Variants in PKIB observed in about 807,000 individuals in gnomAD.
PKIB encodes the protein cAMP-dependent protein kinase inhibitor beta.
Under a neutral mutation model 4.5 loss-of-function variants are expected in PKIB, and 2 were observed. The observed-to-expected ratio is 0.44, with a 90% CI of 0.18 to 1.39. PKIB has a LOEUF of 1.39. Ranked by LOEUF, PKIB falls within the 40% of genes most tolerant of loss-of-function variation. The pLI, the probability that PKIB is intolerant of heterozygous loss-of-function variation, is 0.27. For synonymous variants in PKIB, 38 were observed against 36.0 expected (o/e 1.06, Z -0.20); for missense variants, 94 against 92.6 (o/e 1.02, Z -0.06).
At chr6:122,709,639 G>A (rs1779195746) in intron 3 of PKIB, among the ~76,000 whole-genome samples, 1 of 152,082 alleles carries the variant, frequency 6.6e-6, no homozygotes, top group African/African-American at 2.4e-5. Flanking sequence ...GCTACTTAAA[G>A]TAATTGCTTT....
intron 4 of PKIB, among the ~76,000 whole-genome samples, 198 bp from the exon 5 acceptor site, chr6:122,724,930 C>G (rs1051565044): frequency 2.6e-5 from 4 of 152,068 alleles, no homozygotes; most frequent in African/African-American, 9.7e-5. Context: ...CTTCATAACT[C>G]TGTAGAATAG....
chr6:122,551,848 C>T (rs197682), intron 2 of PKIB, among the ~76,000 whole-genome samples: 121,347 of 148,030 alleles, frequency 0.82, 49,859 homozygotes, highest in South Asian at 0.92. Flanking sequence ...TAGAAAGTGA[C>T]GGAAGGAATC....
chr6:122,702,618 C>A (rs1210621561), intron 3 of PKIB, among the ~76,000 whole-genome samples: 1 of 151,922 alleles, frequency 6.6e-6, no homozygotes, highest in East Asian at 1.9e-4. Flanking sequence ...CTGCACCCAG[C>A]CTTAAGGGAA....
At chr6:122,563,068 C>G (rs1773079739) in intron 2 of PKIB, among the ~76,000 whole-genome samples, 1 of 152,014 alleles carries the variant, frequency 6.6e-6, no homozygotes, top group South Asian at 2.1e-4. Flanking sequence ...GGTTGGTTTT[C>G]TGGTTCCTTC....
chr6:122,680,697 G>A (rs1392881751), intron 3 of PKIB, among the ~76,000 whole-genome samples: 1 of 152,114 alleles, frequency 6.6e-6, no homozygotes, highest in Non-Finnish European at 1.5e-5. Flanking sequence ...TCACTTTGAG[G>A]TATTGCTTAC....
intron 2 of PKIB, among the ~76,000 whole-genome samples, chr6:122,558,667 T>C (rs1184761102): frequency 6.6e-6 from 1 of 152,214 alleles, no homozygotes; most frequent in Non-Finnish European, 1.5e-5. Context: ...TTCTATGTAA[T>C]ATAATAAAAC....
chr6:122,552,154 T>G (rs1459877434), intron 2 of PKIB, among the ~76,000 whole-genome samples: 5 of 152,144 alleles, frequency 3.3e-5, no homozygotes, highest in South Asian at 2.1e-4. Context: ...CTAGGTGGTG[T>G]TGGAGATACA....
intron 2 of PKIB, chr6:122,477,963 A>G (rs1775494788): frequency 6.6e-6 from 1 of 152,176 alleles, no homozygotes; most frequent in Non-Finnish European, 1.5e-5. Context: ...TTCTCCATAA[A>G]GCTTCCTAAT....
At chr6:122,498,533 A>T (rs1181332505) in intron 2 of PKIB, among the ~76,000 whole-genome samples, 1 of 152,228 alleles carries the variant, frequency 6.6e-6, no homozygotes, top group African/African-American at 2.4e-5. Context: ...AATAAAACAG[A>T]CACAACATAC....
rs138766155 is a variant in PKIB at position 122,524,456 on chromosome 6, T to C, written c.-248+46517T>C. Among the ~76,000 whole-genome samples, 401 of 152,210 alleles carry C rather than the reference T, an allele frequency of 2.6e-3. 3 individuals carry two copies. The highest frequency in any genetic ancestry group is 9.4e-3 in the African/African-American group (389 of 41,516). On this transcript the variant is annotated intron_variant, in intron 2 of 6. Coordinates refer to the PKIB transcript ENST00000392491. ...TTGTCATCGTCATCGTAGTTGTCTGTAGTGCCTTTGTCTGGCTTTGGTATC... is the reference window on the plus strand; with the variant it reads ...TTGTCATCGTCATCGTAGTTGTCTGCAGTGCCTTTGTCTGGCTTTGGTATC...
rs78911276 is a variant in PKIB, at chr6:122,591,141, C to A, written c.-161+5134C>A. ...GAAATTCCACAGGCTCCAGCTTCTC[C>A]TTAAAAATTGTATAGCAAGGAAGGT... On this transcript the variant is annotated intron_variant, in intron 3 of 6. Coordinates refer to the PKIB transcript ENST00000392491. 2.0e-3 allele frequency among the ~76,000 whole-genome samples: 309 copies of A among 151,116 alleles called. 7 individuals carry two copies. In the East Asian group the frequency reaches 0.042, roughly 21 times the overall value.
intron 3 of PKIB, among the ~76,000 whole-genome samples, chr6:122,602,233 C>G (rs756011162): frequency 3.9e-5 from 6 of 152,092 alleles, no homozygotes; most frequent in Non-Finnish European, 7.3e-5. Context: ...TGGCTGAACC[C>G]AAATAGTGTT....
chr6:122,709,023 T>C (rs985760317), intron 3 of PKIB, among the ~76,000 whole-genome samples: 2 of 152,214 alleles, frequency 1.3e-5, no homozygotes, highest in Non-Finnish European at 2.9e-5. Flanking sequence ...TTGATATTCA[T>C]AATGATACTC....
intron 3 of PKIB, 182 bp from the exon 4 acceptor site, chr6:122,717,605 T>C (rs1779550406): frequency 1.6e-6 from 1 of 608,486 alleles, no homozygotes; most frequent in Non-Finnish European, 2.8e-6. Context: ...CTTCCTGCTC[T>C]ATTCAGCAAA....
In PKIB at chr6:122,677,842, TCTTCCTTCCTTCCTTCCTTCCTTC is replaced by T. The variant is rs66707245; in HGVS notation, c.-9+2726_-9+2749del. Among the ~76,000 whole-genome samples, 521 of 141,222 alleles carry T rather than the reference TCTTCCTTCCTTCCTTCCTTCCTTC, an allele frequency of 3.7e-3. 4 individuals are homozygous for T. The highest frequency in any genetic ancestry group is 0.022 in the Middle Eastern group (6 of 270). The allele number at this position is 141,222 out of a possible 152,430, so 92.6% of individuals were successfully genotyped here. A position where few individuals can be genotyped will look rare whatever the true frequency, so the allele number is the denominator to read the frequency against. On this transcript the variant is annotated intron_variant, in intron 3 of 4. Transcript: ENST00000368452. Reference sequence around the variant, plus strand: ...GCAACTTGTGAAACCAGCTTTCTTTTCTTCCTTCCTTCCTTCCTTCCTTCCTTCCTTCCTTCCTTCCTTCCTTCC... The same window carrying T: ...GCAACTTGTGAAACCAGCTTTCTTTTCTTCCTTCCTTCCTTCCTTCCTTCC...
intron 2 of PKIB, among the ~76,000 whole-genome samples, chr6:122,504,242 A>G (rs1352515533): frequency 1.3e-5 from 2 of 152,222 alleles, no homozygotes; most frequent in African/African-American, 4.8e-5. Flanking sequence ...TTCCTTAAAT[A>G]AAGTTTTTGC....
At chr6:122,472,246 C>T (rs533528261) in intron 1 of PKIB, among the ~76,000 whole-genome samples, 9 of 152,294 alleles carry the variant, frequency 5.9e-5, no homozygotes, top group African/African-American at 2.2e-4. Context: ...CTGTTTTGCT[C>T]TTGCGTTTGC....
chr6:122,703,293 C>T (rs1343498311), intron 3 of PKIB, among the ~76,000 whole-genome samples: 1 of 151,804 alleles, frequency 6.6e-6, no homozygotes, highest in Non-Finnish European at 1.5e-5. Flanking sequence ...TTTTTTATTT[C>T]TTTTAAACTT....
intron 2 of PKIB, among the ~76,000 whole-genome samples, chr6:122,648,038 G>A (rs111909910): frequency 1.3e-5 from 2 of 152,336 alleles, no homozygotes; most frequent in African/African-American, 4.8e-5. Flanking sequence ...CCTCCACTGC[G>A]TGGTATAGCC....
Sources: allele counts gnomAD v4.1 joint callset (sites outside exome capture counted in the v4.1 genomes callset), GRCh38; gene constraint gnomAD v4.1.1; transcripts MANE v1.5; gene names NCBI Gene and HGNC (gene_info 2026-07-23, HGNC 2026-07-21).